The following SORCS2 variants were observed in gnomAD, a reference collection of about 807,000 sequenced individuals.
SORCS2 encodes VPS10 domain-containing receptor SorCS2.
In SORCS2, 100 loss-of-function variants were observed where a neutral mutation model predicts 141.6. That is an observed-to-expected ratio of 0.71 (90% CI 0.60 to 0.83). The LOEUF (loss-of-function observed/expected upper bound fraction) is 0.83, where lower values mean the gene tolerates loss of function less well. Ranked by LOEUF, SORCS2 falls within the 40% of genes least tolerant of loss-of-function variation. The probability of loss-of-function intolerance (pLI) is 0.00; values close to 1 mark genes in which losing one functional copy is unlikely to be tolerated. For missense variants in SORCS2, 1,646 were observed against 1,560.2 expected (o/e 1.05, Z -0.93); for synonymous variants, 789 against 676.9 (o/e 1.17, Z -2.57).
At chr4:7,536,254 G>A (rs1712117904) in intron 3 of SORCS2, among the ~76,000 whole-genome samples, 1 of 152,190 alleles carries the variant, frequency 6.6e-6, no homozygotes. Flanking sequence ...CTGTAGAGTG[G>A]GGTTGCGGTG....
chr4:7,479,630 C>G (rs1276575857), intron 2 of SORCS2, among the ~76,000 whole-genome samples: 1 of 152,234 alleles, frequency 6.6e-6, no homozygotes, highest in Non-Finnish European at 1.5e-5. Context: ...CTGGGCTCCC[C>G]TCGTTCCTTG....
chr4:7,308,380 G>A (rs988194426), intron 1 of SORCS2, among the ~76,000 whole-genome samples: 5 of 152,166 alleles, frequency 3.3e-5, no homozygotes, highest in Admixed American at 6.5e-5. Flanking sequence ...CTTTCCAGGG[G>A]GCAGCTGGGG....
At chr4:7,459,183 C>A (rs968415395) in intron 2 of SORCS2, among the ~76,000 whole-genome samples, 4 of 152,136 alleles carry the variant, frequency 2.6e-5, no homozygotes, top group African/African-American at 9.7e-5. Flanking sequence ...CAGATCCGAG[C>A]CCTCCCTGCC....
chr4:7,420,963 C>T (rs1726003855), intron 2 of SORCS2, among the ~76,000 whole-genome samples: 2 of 152,212 alleles, frequency 1.3e-5, no homozygotes, highest in African/African-American at 4.8e-5. Flanking sequence ...TGCCCAGTGC[C>T]CCACTCAGCA....
At chr4:7,503,638 A>AGGTGCAGATGGAGGTGGG (rs1408430494) in intron 2 of SORCS2, among the ~76,000 whole-genome samples, 1 of 152,196 alleles carries the variant, frequency 6.6e-6, no homozygotes, top group Non-Finnish European at 1.5e-5. Context: ...GGAGAGGCAC[A>AGGTGCAGATGGAGGTGGG]GGTGCAGATG....
intron 1 of SORCS2, among the ~76,000 whole-genome samples, chr4:7,200,252 G>A (rs989852592): frequency 2.0e-5 from 3 of 152,114 alleles, no homozygotes; most frequent in Admixed American, 6.5e-5. Context: ...ATTCCCAGCC[G>A]GACCCAGGGG....
intron 2 of SORCS2, among the ~76,000 whole-genome samples, chr4:7,451,922 G>C (rs998525053): frequency 1.3e-5 from 2 of 152,194 alleles, no homozygotes; most frequent in African/African-American, 4.8e-5. Flanking sequence ...CAGGACAGGA[G>C]CGAGATCCCC....
At chr4:7,222,651 G>A (rs945429924) in intron 1 of SORCS2, among the ~76,000 whole-genome samples, 1 of 152,170 alleles carries the variant, frequency 6.6e-6, no homozygotes. Flanking sequence ...AGGGTAGTGC[G>A]GCCGGGGCAG....
intron 2 of SORCS2, chr4:7,434,486 G>T: frequency 1.9e-6 from 3 of 1,611,960 alleles, no homozygotes; most frequent in Middle Eastern, 1.7e-4. Context: ...GTGCACACCT[G>T]TGCCGGGGCA....
At chr4:7,738,328 TCTCAG>T (rs1489893182) in intron 26 of SORCS2, among the ~76,000 whole-genome samples, 2 of 152,202 alleles carry the variant, frequency 1.3e-5, no homozygotes, top group Admixed American at 6.5e-5. Flanking sequence ...TCCATGCCTG[TCTCAG>T]CTCAGCAGCC....
chr4:7,531,614 G>C lies in SORCS2; in HGVS notation c.633G>C (p.Pro211=). 2.5e-6 allele frequency: 4 copies of C among 1,613,676 alleles called. No individual in the cohort carries two copies. The highest frequency in any genetic ancestry group is 3.4e-6 in the Non-Finnish European group (4 of 1,179,776). The change falls in exon 3 of 27, where the codon CCG becomes CCC. Residue 211 remains proline, a synonymous_variant. Transcript: ENST00000507866. ...TTVIDNFYIC[P]TNKRKVILVS... ...TCATCGACAATTTCTACATCTGCCC[G>C]ACCAACAAGAGGAAGGTAGGTGCTG...
intron 2 of SORCS2, among the ~76,000 whole-genome samples, chr4:7,505,505 G>C (rs1052630792): frequency 2.0e-5 from 3 of 152,118 alleles, no homozygotes; most frequent in African/African-American, 7.2e-5. Context: ...GACATCTGGG[G>C]GTCCCCCAGT....
chr4:7,418,709 C>CT (rs933341007), intron 2 of SORCS2, among the ~76,000 whole-genome samples: 3 of 117,188 alleles, frequency 2.6e-5, no homozygotes, highest in Admixed American at 8.6e-5. Context: ...ATGACCCCCC[C>CT]CCCCACCAGA....
chr4:7,391,798 C>T (rs1723881148), intron 1 of SORCS2, among the ~76,000 whole-genome samples: 1 of 152,152 alleles, frequency 6.6e-6, no homozygotes, highest in African/African-American at 2.4e-5. Flanking sequence ...CCTGTGAGCT[C>T]TGTTGTTGAA....
At chr4:7,623,086 C>A (rs1265247881) in intron 3 of SORCS2, among the ~76,000 whole-genome samples, 1 of 152,006 alleles carries the variant, frequency 6.6e-6, no homozygotes, top group Non-Finnish European at 1.5e-5. Context: ...TTCTAGGGAC[C>A]ATTACCCCCC....
Position 7,695,916 on chromosome 4 carries a change from A to ATTGGTGGG in SORCS2, c.1592-1281_1592-1280insTGGTGGGT, listed in dbSNP as rs1724667879. ...GATGGATGGATGGATGGATGGATGGATGGATGGATTGGTGGGTGGGTGGGT... is the reference window on the plus strand; with the variant it reads ...GATGGATGGATGGATGGATGGATGGATTGGTGGGTGGATGGATTGGTGGGTGGGTGGGT... On this transcript the variant is annotated intron_variant, in intron 11 of 26. Transcript: ENST00000507866. Among the ~76,000 whole-genome samples, 8 of 104,956 alleles carry ATTGGTGGG rather than the reference A, an allele frequency of 7.6e-5. 1 individual carries two copies. The highest frequency in any genetic ancestry group is 1.0e-4 in the Non-Finnish European group (5 of 48,940). The allele number at this position is 104,956 out of a possible 152,430, so 68.9% of individuals were successfully genotyped here.
rs1173059946 is a variant in SORCS2 at position 7,270,941 on chromosome 4, G to T, written c.480+77815G>T. 2.0e-5 allele frequency among the ~76,000 whole-genome samples: 3 copies of T among 152,226 alleles called. No individual in the cohort carries two copies. The East Asian group carries it at 5.8e-4, about 29-fold the overall frequency. ...CCAGTTCTCGCTTGTTCGTTTGTTG[G>T]TTCATCCATTCATTCATGCCCATGC... On this transcript the variant is annotated intron_variant, in intron 1 of 26. Coordinates refer to ENST00000507866, the MANE Select transcript of SORCS2 (RefSeq NM_020777.3).
chr4:7,199,894 C>T (rs562977938), intron 1 of SORCS2, among the ~76,000 whole-genome samples: 2 of 152,176 alleles, frequency 1.3e-5, no homozygotes, highest in African/African-American at 4.8e-5. Context: ...CCTAAGGTGC[C>T]CTGCCTTGCT....
At chr4:7,713,109 C>T (rs751943116) in intron 15 of SORCS2, among the ~76,000 whole-genome samples, 1 of 152,086 alleles carries the variant, frequency 6.6e-6, no homozygotes, top group Non-Finnish European at 1.5e-5. Flanking sequence ...GCTACAGTCT[C>T]TACTCCAGCC....
Sources: gnomAD v4.1 joint callset for allele counts (sites outside exome capture counted in the v4.1 genomes callset) on GRCh38, gnomAD v4.1.1 for gene constraint, MANE v1.5 for transcripts, NCBI Gene and HGNC (gene_info 2026-07-23, HGNC 2026-07-21) for gene names.